The following STXBP3 variants were observed in gnomAD, a reference collection of about 807,000 sequenced individuals.
The protein encoded by STXBP3 is syntaxin-binding protein 3.
In STXBP3, 41 loss-of-function variants were observed where a neutral mutation model predicts 85.7. The observed-to-expected ratio is 0.48, with a 90% CI of 0.37 to 0.62. STXBP3 has a LOEUF of 0.62. Among genes scored for constraint, STXBP3 ranks in the 20% least tolerant of loss-of-function variants. The pLI is 0.00. For synonymous variants in STXBP3, 229 were observed against 231.7 expected (o/e 0.99, Z 0.10); for missense variants, 563 against 703.1 (o/e 0.80, Z 2.25).
intron 6 of STXBP3, chr1:108,766,996 CT>C: frequency 2.0e-6 from 1 of 495,496 alleles, no homozygotes; most frequent in Non-Finnish European, 4.1e-6. Context: ...TTGAGACCCC[CT>C]TGTGTGTCAC....
chr1:108,776,400 A>T lies in STXBP3; in HGVS notation c.661A>T (p.Ile221Phe). 6.2e-7 allele frequency: 1 copy of T among 1,608,030 alleles called. No individual in the cohort carries two copies. Among genetic ancestry groups the T allele is most frequent in the Non-Finnish European group, 8.5e-7 (1 of 1,176,870 alleles). ...AAAAAAGCTTGAAGACTACTACAAG[A>T]TTGATGAAAAGAGCCTAATAAAGGT... Reference protein sequence around the residue: ...VEKKLEDYYKIDEKSLIKGKT... With the variant: ...VEKKLEDYYKFDEKSLIKGKT... Residue 221 changes from isoleucine (I) to phenylalanine (F), a missense_variant, in exon 8 of 19, where the codon ATT becomes TTT. Ile to Phe is a conservative substitution (Grantham distance 21). Around this residue, in one of 3 missense-constraint regions of STXBP3, gnomAD observed 494 missense variants for 592.8 expected, o/e 0.83. Coordinates refer to ENST00000370008, the MANE Select transcript of STXBP3 (RefSeq NM_007269.4).
Position 108,808,997 on chromosome 1 carries a change from T to C in STXBP3, c.*120T>C, listed in dbSNP as rs1363511118. The C allele has an allele frequency of 9.1e-6, 6 of 661,692 alleles. No homozygotes were observed. In the Admixed American group the frequency reaches 1.6e-4, roughly 18 times the overall value. 41.0% of individuals were successfully genotyped at this position (661,692 alleles called of 1,614,324 possible). A position where few individuals can be genotyped will look rare whatever the true frequency, so the allele number is the denominator to read the frequency against. On this transcript the variant is annotated 3_prime_UTR_variant, in exon 19 of 19. Transcript: ENST00000370008. Reference sequence around the variant, plus strand: ...TTTTATGGAATAATGGCTTTTCAAATACATTTCTTAAGGAACTGTTTATGA... The same window carrying C: ...TTTTATGGAATAATGGCTTTTCAAACACATTTCTTAAGGAACTGTTTATGA...
At chr1:108,798,083 G>C (rs924565659) in intron 15 of STXBP3, 62 bp from the exon 16 acceptor site, 1 of 1,289,494 alleles carries the variant, frequency 7.8e-7, no homozygotes, top group South Asian at 1.3e-5. Flanking sequence ...GTTAGGAAAC[G>C]TAAGAGTATT....
At chr1:108,761,070 A>AT (rs34604965) in intron 6 of STXBP3, among the ~76,000 whole-genome samples, 21 of 151,722 alleles carry the variant, frequency 1.4e-4, no homozygotes, top group African/African-American at 4.8e-4. Context: ...CACCTGGCTA[A>AT]TTTTTTTGTA....
chr1:108,749,726 T>C (rs2101100018), intron 1 of STXBP3, among the ~76,000 whole-genome samples: 1 of 152,296 alleles, frequency 6.6e-6, no homozygotes, highest in East Asian at 1.9e-4. Context: ...TTTTAGACAA[T>C]AACACTGACT....
chr1:108,760,521 T>C (rs142047991), intron 6 of STXBP3, among the ~76,000 whole-genome samples: 325 of 152,310 alleles, frequency 2.1e-3, no homozygotes, highest in African/African-American at 7.6e-3. Context: ...CTTTGGAACA[T>C]TGAGCCTTCA....
At chr1:108,751,238 G>A (rs1408489584) in intron 1 of STXBP3, among the ~76,000 whole-genome samples, 1 of 152,134 alleles carries the variant, frequency 6.6e-6, no homozygotes, top group Non-Finnish European at 1.5e-5. Context: ...TCACCCAAGA[G>A]TCATTTCATT....
chr1:108,782,440 A>T lies in STXBP3; in HGVS notation c.828A>T (p.Lys276Asn). Residue 276 changes from lysine (K) to asparagine (N), a missense_variant, in exon 10 of 19, where the codon AAA becomes AAT. Lys to Asn is a moderately conservative substitution (Grantham distance 94). Transcript: ENST00000370008. ...NDTYKYKTDG[K>N]EKEAILEEED... ...CTTGTAGATATAAAACAGATGGAAA[A>T]GAAAAGGAGGCCATCCTTGAAGAAG... The T allele has an allele frequency of 6.2e-7, 1 of 1,613,052 alleles. No individual in the cohort carries two copies. Among genetic ancestry groups the T allele is most frequent in the Non-Finnish European group, 8.5e-7 (1 of 1,179,608 alleles).
chr1:108,770,874 C>T (rs1662377534), intron 6 of STXBP3, among the ~76,000 whole-genome samples: 1 of 152,102 alleles, frequency 6.6e-6, no homozygotes, highest in Admixed American at 6.5e-5. Context: ...TTTTGCTGTA[C>T]ATACGTACAG....
chr1:108,802,452 G>A (rs901991821), intron 17 of STXBP3, among the ~76,000 whole-genome samples: 12 of 152,094 alleles, frequency 7.9e-5, no homozygotes, highest in African/African-American at 2.7e-4. Context: ...CCCATCCTAA[G>A]TTGAGACCAC....
At position 108,764,732 on chromosome 1, in the gene STXBP3, G is replaced by T. The variant is rs546492640; in HGVS notation, c.438+4647G>T. Among the ~76,000 whole-genome samples, 499 of 151,736 alleles carry T rather than the reference G, an allele frequency of 3.3e-3. 1 individual carries two copies. The highest frequency in any genetic ancestry group is 0.011 in the African/African-American group (470 of 41,358). ...GATATCCTTTGCCCACTTTTTAATG[G>T]TTTTTTTTCTTGTAAATTTAAGTTC... is the stretch of plus-strand genomic sequence containing the variant. On this transcript the variant is annotated intron_variant, in intron 6 of 18. Coordinates refer to ENST00000370008, the MANE Select transcript of STXBP3 (RefSeq NM_007269.4).
intron 15 of STXBP3, among the ~76,000 whole-genome samples, chr1:108,797,469 G>T (rs182489124): frequency 1.4e-5 from 2 of 147,324 alleles, no homozygotes; most frequent in East Asian, 4.2e-4. Context: ...CTGGAGTGCA[G>T]TGGCATGACC....
chr1:108,773,690 G>A (rs1056772701), intron 7 of STXBP3, among the ~76,000 whole-genome samples: 2 of 151,954 alleles, frequency 1.3e-5, no homozygotes, highest in African/African-American at 2.4e-5. Context: ...ACACTCACTC[G>A]ACTGGGACAA....
Position 108,795,169 on chromosome 1 carries a change from T to C in STXBP3, c.1110+262T>C, listed in dbSNP as rs1464939287. Among the ~76,000 whole-genome samples the C allele has an allele frequency of 3.9e-5, 6 of 152,278 alleles. No homozygotes were observed. In the East Asian group the frequency reaches 1.2e-3, roughly 29 times the overall value. Reference sequence around the variant, plus strand: ...TGGAATGATTTAAATTTTGGGAGCATGATTTCAGGGTGGCATTATTGGCAG... The same window carrying C: ...TGGAATGATTTAAATTTTGGGAGCACGATTTCAGGGTGGCATTATTGGCAG... On this transcript the variant is annotated intron_variant, in intron 13 of 18. Coordinates refer to ENST00000370008, the MANE Select transcript of STXBP3 (RefSeq NM_007269.4).
intron 11 of STXBP3, among the ~76,000 whole-genome samples, chr1:108,790,290 A>G (rs182234183): frequency 2.0e-5 from 3 of 152,296 alleles, no homozygotes; most frequent in Admixed American, 2.0e-4. Flanking sequence ...TAAGATAGCT[A>G]TCTTTCTGTT....
intron 11 of STXBP3, among the ~76,000 whole-genome samples, chr1:108,786,342 C>T (rs1435392525): frequency 6.6e-6 from 1 of 152,060 alleles, no homozygotes; most frequent in Admixed American, 6.6e-5. Flanking sequence ...GGAAACTGCC[C>T]CCATTATTCA....
intron 1 of STXBP3, 139 bp downstream of exon 1, chr1:108,746,925 C>G: frequency 1.2e-6 from 1 of 822,352 alleles, no homozygotes; most frequent in Non-Finnish European, 2.0e-6. Context: ...GTGAGGACTT[C>G]TTCCTGCTTT....
intron 4 of STXBP3, among the ~76,000 whole-genome samples, chr1:108,757,769 A>G (rs917691335): frequency 6.6e-6 from 1 of 152,054 alleles, no homozygotes; most frequent in Non-Finnish European, 1.5e-5. Context: ...GTTTATTGTT[A>G]GGAAATAAAT....
At chr1:108,756,461 C>T (rs1281824259) in intron 3 of STXBP3, among the ~76,000 whole-genome samples, 1 of 152,026 alleles carries the variant, frequency 6.6e-6, no homozygotes, top group East Asian at 1.9e-4. Flanking sequence ...TAATTTCTTA[C>T]ATTATTCATG....
Sources: gnomAD v4.1 joint callset for allele counts (sites outside exome capture counted in the v4.1 genomes callset) on GRCh38, gnomAD v4.1.1 for gene constraint, gnomAD v4.1.1 regional missense constraint, MANE v1.5 for transcripts, NCBI Gene and HGNC (gene_info 2026-07-23, HGNC 2026-07-21) for gene names.